SATB2: variants seen among roughly 807,000 people sequenced by gnomAD.
SATB2 encodes SATB homeobox 2.
A neutral mutation model predicts 73.4 loss-of-function variants in SATB2; 1 was observed. The ratio of observed to expected loss-of-function variants is 0.01; its 90% CI spans 0.00 to 0.06. SATB2 has a LOEUF of 0.06. SATB2 is among the 10% of genes least tolerant of loss of function. The probability of loss-of-function intolerance (pLI) is 1.00; values close to 1 mark genes in which losing one functional copy is unlikely to be tolerated. For synonymous variants in SATB2, 397 were observed against 367.0 expected (o/e 1.08, Z -0.93); for missense variants, 459 against 945.8 (o/e 0.49, Z 6.75).
upstream of SATB2, chr2:199,467,561 G>A (rs1343354000): frequency 6.6e-6 from 1 of 152,376 alleles, no homozygotes; most frequent in Non-Finnish European, 1.5e-5. Flanking sequence ...GGGCGGGGGA[G>A]AGAGACAAGC....
chr2:199,456,068 C>G lies in SATB2; in HGVS notation c.-31G>C. 1 of 1,268,676 alleles carries G rather than the reference C, an allele frequency of 7.9e-7. No homozygotes were observed. Among genetic ancestry groups the G allele is most frequent in the Non-Finnish European group, 1.0e-6 (1 of 984,658 alleles). The allele number at this position is 1,268,676 out of a possible 1,614,324, so 78.6% of individuals were successfully genotyped here. A position where few individuals can be genotyped will look rare whatever the true frequency, so the allele number is the denominator to read the frequency against. On this transcript the variant is annotated 5_prime_UTR_variant, in exon 2 of 11. Coordinates refer to ENST00000417098, the MANE Select transcript of SATB2 (RefSeq NM_001172509.2). The stretch of plus-strand genomic sequence containing the variant: ...TCCGACTCGGAGACAAAGTTCCCAC[C>G]GGCAGGTCGCAATAAAACGCACAGG...
intron 2 of SATB2, among the ~76,000 whole-genome samples, chr2:199,454,341 A>G (rs1051246894): frequency 3.3e-5 from 5 of 152,154 alleles, no homozygotes; most frequent in Admixed American, 1.3e-4. Context: ...CACTGTCTCC[A>G]AGGAGTTTCA....
At chr2:199,353,713 T>C (rs1344669209) in intron 6 of SATB2, among the ~76,000 whole-genome samples, 2 of 152,108 alleles carry the variant, frequency 1.3e-5, no homozygotes, top group African/African-American at 4.8e-5. Context: ...CTTTACTCCC[T>C]CCTTCCCTTC....
intron 3 of SATB2, among the ~76,000 whole-genome samples, chr2:199,408,727 C>A (rs1435941963): frequency 6.7e-6 from 1 of 149,688 alleles, no homozygotes; most frequent in Non-Finnish European, 1.5e-5. Flanking sequence ...TCTTAGTTTC[C>A]AAATATCTGA....
chr2:199,327,140 A>G (rs1245297187), intron 8 of SATB2, among the ~76,000 whole-genome samples: 1 of 152,184 alleles, frequency 6.6e-6, no homozygotes, highest in African/African-American at 2.4e-5. Context: ...TCAGCTTTGT[A>G]TAAATGTATA....
intron 10 of SATB2, among the ~76,000 whole-genome samples, chr2:199,294,580 C>T (rs974473794): frequency 1.3e-5 from 2 of 152,146 alleles, no homozygotes; most frequent in East Asian, 3.9e-4. Context: ...AATAAGAGTT[C>T]CTCTCAAAAG....
chr2:199,283,887 G>GTTGTC (rs539603600), intron 10 of SATB2, among the ~76,000 whole-genome samples: 90 of 152,276 alleles, frequency 5.9e-4, no homozygotes, highest in African/African-American at 2.1e-3. Context: ...AGGGAAGATG[G>GTTGTC]TTGTCTTGAG....
At chr2:199,293,327 C>A (rs1031672798) in intron 10 of SATB2, among the ~76,000 whole-genome samples, 4 of 151,932 alleles carry the variant, frequency 2.6e-5, no homozygotes, top group African/African-American at 9.7e-5. Context: ...TGAAAAATGA[C>A]CAAAGCTCTT....
At chr2:199,466,179 GTCTCGCGCAT>G (rs1692589787), upstream of SATB2, among the ~76,000 whole-genome samples, 1 of 152,160 alleles carries the variant, frequency 6.6e-6, no homozygotes, top group African/African-American at 2.4e-5. Context: ...AGTGAAGGAC[GTCTCGCGCAT>G]TCTTCCCAGA....
rs1214808430 is a variant in SATB2 at position 199,382,328 on chromosome 2, C to T, written c.347-508G>A. Among the ~76,000 whole-genome samples the T allele has an allele frequency of 3.3e-5, 5 of 152,160 alleles. No homozygotes were observed. In the East Asian group the frequency reaches 5.8e-4, roughly 18 times the overall value. Reference sequence around the variant, plus strand: ...TCATGAAGCAGTTAGAGTTCGCTCCCATATCTGCGTTTCAGCAGGCAGTGG... The same window carrying T: ...TCATGAAGCAGTTAGAGTTCGCTCCTATATCTGCGTTTCAGCAGGCAGTGG... On this transcript the variant is annotated intron_variant, in intron 3 of 10. Coordinates refer to ENST00000417098, the MANE Select transcript of SATB2 (RefSeq NM_001172509.2).
At chr2:199,458,409 A>ACCTCATGCACGAGGC, upstream of SATB2, 1 of 366,806 alleles carries the variant, frequency 2.7e-6, no homozygotes, top group Non-Finnish European at 5.4e-6. Context: ...GGTGACGAGG[A>ACCTCATGCACGAGGC]CCTCATGCAC....
At chr2:199,354,997 G>C (rs1348358911) in intron 6 of SATB2, among the ~76,000 whole-genome samples, 1 of 151,882 alleles carries the variant, frequency 6.6e-6, no homozygotes, top group Non-Finnish European at 1.5e-5. Flanking sequence ...CCTCCCTCAG[G>C]AATTTACCTG....
At chr2:199,318,620 T>G (rs1222029392) in intron 9 of SATB2, among the ~76,000 whole-genome samples, 1 of 152,036 alleles carries the variant, frequency 6.6e-6, no homozygotes, top group Non-Finnish European at 1.5e-5. Context: ...AAATCATGGG[T>G]GATCCATGTT....
chr2:199,453,118 T>C (rs773223749), intron 2 of SATB2, among the ~76,000 whole-genome samples: 1 of 152,078 alleles, frequency 6.6e-6, no homozygotes, highest in Non-Finnish European at 1.5e-5. Context: ...CCTAAATAAG[T>C]AGAGTAACAG....
intron 9 of SATB2, among the ~76,000 whole-genome samples, chr2:199,320,928 T>C (rs939153249): frequency 2.6e-5 from 4 of 152,114 alleles, no homozygotes; most frequent in Non-Finnish European, 5.9e-5. Context: ...AAGGTTGCTA[T>C]GCATATTTGA....
chr2:199,275,197 G>A (rs1177168954), intron 10 of SATB2, among the ~76,000 whole-genome samples: 2 of 152,156 alleles, frequency 1.3e-5, no homozygotes, highest in Non-Finnish European at 2.9e-5. Flanking sequence ...GCACTGGTTA[G>A]ATTTAAAGAG....
At chr2:199,443,294 G>A (rs1691873009) in intron 2 of SATB2, among the ~76,000 whole-genome samples, 1 of 151,820 alleles carries the variant, frequency 6.6e-6, no homozygotes, top group African/African-American at 2.4e-5. Flanking sequence ...GTTAAGGAAA[G>A]GTTAACAGTA....
intron 10 of SATB2, among the ~76,000 whole-genome samples, chr2:199,287,605 T>C (rs1692728265): frequency 6.6e-6 from 1 of 152,102 alleles, no homozygotes. Context: ...AGATTATCTA[T>C]GTATACTTTC....
chr2:199,400,504 T>G (rs188537801), intron 3 of SATB2, among the ~76,000 whole-genome samples: 1 of 152,222 alleles, frequency 6.6e-6, no homozygotes, highest in African/African-American at 2.4e-5. Flanking sequence ...CTTCACATTA[T>G]TCCTTTAAAG....
Sources: gnomAD v4.1 joint callset for allele counts (sites outside exome capture counted in the v4.1 genomes callset) on GRCh38, gnomAD v4.1.1 for gene constraint, MANE v1.5 for transcripts, NCBI Gene and HGNC (gene_info 2026-07-23, HGNC 2026-07-21) for gene names.